Variants in NKAIN2 observed in about 807,000 individuals in gnomAD.
The protein encoded by NKAIN2 is sodium/potassium transporting ATPase interacting 2.
A neutral mutation model predicts 32.6 loss-of-function variants in NKAIN2; 14 were observed. The observed-to-expected ratio is 0.43, with a 90% CI of 0.28 to 0.67. The LOEUF is 0.67. Among genes scored for constraint, NKAIN2 ranks in the 30% least tolerant of loss-of-function variants. The probability of loss-of-function intolerance (pLI) is 0.17; values close to 1 mark genes in which losing one functional copy is unlikely to be tolerated. For synonymous variants in NKAIN2, 80 were observed against 87.2 expected, an observed-to-expected ratio of 0.92 and a Z score of 0.46; for missense variants, 198 against 258.3, an observed-to-expected ratio of 0.77 and a Z score of 1.60.
rs534629344 is a variant in NKAIN2, at chr6:124,675,720, GTCT to G, written c.474+17339_474+17341del. Among the ~76,000 whole-genome samples the G allele has an allele frequency of 3.5e-3, 529 of 151,580 alleles. 6 individuals are homozygous for G. The highest frequency in any genetic ancestry group is 0.012 in the African/African-American group (503 of 41,372). The stretch of plus-strand genomic sequence containing the variant: ...TCTCCATTTTCGTTTCTGATTTTGA[GTCT>G]TCTTTTTTCTTTTTTATCCTAAGTG... On this transcript the variant is annotated intron_variant, in intron 4 of 6. Transcript: ENST00000368417.
At chr6:124,497,817 T>A (rs1454480665) in intron 3 of NKAIN2, among the ~76,000 whole-genome samples, 6 of 87,632 alleles carry the variant, frequency 6.8e-5, no homozygotes, top group African/African-American at 2.0e-4. Context: ...GTTTCTAGAG[T>A]AAGGGGTAAA....
At chr6:124,186,409 T>G (rs1371952178) in intron 1 of NKAIN2, among the ~76,000 whole-genome samples, 1 of 151,960 alleles carries the variant, frequency 6.6e-6, no homozygotes, top group Non-Finnish European at 1.5e-5. Flanking sequence ...GTAACTGCAC[T>G]CCAGCCTGAG....
intron 3 of NKAIN2, among the ~76,000 whole-genome samples, chr6:124,544,522 T>C (rs1780024201): frequency 6.6e-6 from 1 of 152,100 alleles, no homozygotes; most frequent in Non-Finnish European, 1.5e-5. Flanking sequence ...CTTCTAGTTA[T>C]AGAATTAAAT....
intron 3 of NKAIN2, among the ~76,000 whole-genome samples, chr6:124,389,422 T>A (rs1773046976): frequency 1.3e-5 from 2 of 152,144 alleles, no homozygotes; most frequent in Non-Finnish European, 2.9e-5. Flanking sequence ...TTTGGTTTAT[T>A]CTGTGTTAAG....
At chr6:124,373,797 G>A (rs921607859) in intron 3 of NKAIN2, among the ~76,000 whole-genome samples, 3 of 152,122 alleles carry the variant, frequency 2.0e-5, no homozygotes, top group Non-Finnish European at 2.9e-5. Context: ...TGCCAACTTT[G>A]CTAAAAGTGG....
intron 4 of NKAIN2, among the ~76,000 whole-genome samples, chr6:124,785,176 A>C (rs1289369089): frequency 6.6e-6 from 1 of 152,046 alleles, no homozygotes; most frequent in Non-Finnish European, 1.5e-5. Flanking sequence ...TCTATTGTTC[A>C]ATCTTCAAGT....
intron 4 of NKAIN2, among the ~76,000 whole-genome samples, chr6:124,660,321 G>C (rs1784701311): frequency 6.6e-6 from 1 of 152,106 alleles, no homozygotes; most frequent in South Asian, 2.1e-4. Context: ...TAGTTTATGT[G>C]TGTATGTGTG....
intron 1 of NKAIN2, among the ~76,000 whole-genome samples, chr6:124,007,064 T>C (rs969472975): frequency 2.6e-5 from 4 of 152,178 alleles, no homozygotes; most frequent in African/African-American, 9.7e-5. Context: ...CTCAATGGAA[T>C]TGCCTACTAC....
chr6:124,549,116 C>T (rs1441736658), intron 3 of NKAIN2, among the ~76,000 whole-genome samples: 1 of 152,132 alleles, frequency 6.6e-6, no homozygotes, highest in African/African-American at 2.4e-5. Flanking sequence ...CCTGTAATCC[C>T]AGCACTTTGG....
At chr6:124,140,657 C>T (rs1455526366) in intron 1 of NKAIN2, among the ~76,000 whole-genome samples, 1 of 152,096 alleles carries the variant, frequency 6.6e-6, no homozygotes, top group Admixed American at 6.6e-5. Flanking sequence ...AAGGTATCTG[C>T]ACCAGTTGAC....
chr6:124,007,702 A>G (rs1197848053), intron 1 of NKAIN2, among the ~76,000 whole-genome samples: 2 of 152,174 alleles, frequency 1.3e-5, no homozygotes, highest in African/African-American at 4.8e-5. Context: ...GGATCTCCCA[A>G]ATCATTTTAA....
intron 1 of NKAIN2, among the ~76,000 whole-genome samples, chr6:123,833,645 C>T (rs1774477621): frequency 6.8e-6 from 1 of 146,680 alleles, no homozygotes; most frequent in East Asian, 2.0e-4. Context: ...AGATTTGTAC[C>T]TGATTTTATT....
chr6:124,735,530 G>A, intron 4 of NKAIN2, among the ~76,000 whole-genome samples: 1 of 151,766 alleles, frequency 6.6e-6, no homozygotes, highest in Non-Finnish European at 1.5e-5. Flanking sequence ...TTGTTTTATT[G>A]GGCTTTACTC....
intron 1 of NKAIN2, among the ~76,000 whole-genome samples, chr6:124,007,801 G>A (rs1231473601): frequency 6.6e-6 from 1 of 152,068 alleles, no homozygotes; most frequent in Non-Finnish European, 1.5e-5. Context: ...TTTTAATAAT[G>A]ATATTTGAAG....
chr6:123,950,525 A>T (rs988212277), intron 1 of NKAIN2, among the ~76,000 whole-genome samples: 80 of 152,024 alleles, frequency 5.3e-4, no homozygotes, highest in African/African-American at 1.8e-3. Context: ...TCTTTCTGAA[A>T]TATAAATTCC....
intron 3 of NKAIN2, among the ~76,000 whole-genome samples, chr6:124,383,356 G>A (rs937483462): frequency 6.6e-6 from 1 of 152,054 alleles, no homozygotes; most frequent in Non-Finnish European, 1.5e-5. Flanking sequence ...TTTCTAAAAG[G>A]GCAGATTGTA....
intron 4 of NKAIN2, among the ~76,000 whole-genome samples, chr6:124,740,447 C>CGTGTGTGTGTGTGT (rs56154164): frequency 0.014 from 2,037 of 143,822 alleles, 23 homozygotes; most frequent in Middle Eastern, 0.021. Context: ...CACATATACA[C>CGTGTGTGTGTGTGT]GTGTGTGTGT....
intron 3 of NKAIN2, among the ~76,000 whole-genome samples, chr6:124,565,530 A>T (rs1780877228): frequency 1.3e-5 from 2 of 152,174 alleles, no homozygotes. Flanking sequence ...TTTTCCCTGG[A>T]TAGTGCCAGA....
At chr6:124,614,690 C>G (rs976366431) in intron 3 of NKAIN2, among the ~76,000 whole-genome samples, 1 of 97,356 alleles carries the variant, frequency 1.0e-5, no homozygotes, top group Non-Finnish European at 2.2e-5. Flanking sequence ...GTCCCAAAGA[C>G]CCCCCCAATT....
Sources: allele counts gnomAD v4.1 joint callset (sites outside exome capture counted in the v4.1 genomes callset), GRCh38; gene constraint gnomAD v4.1.1; transcripts MANE v1.5; gene names NCBI Gene and HGNC (gene_info 2026-07-23, HGNC 2026-07-21).